Variants in ITPRID1 observed in about 807,000 individuals in gnomAD.
The protein encoded by ITPRID1 is protein ITPRID1.
ITPRID1 carries 96 observed loss-of-function variants against 95.4 expected under a neutral mutation model. The ratio of observed to expected loss-of-function variants is 1.01; its 90% CI spans 0.85 to 1.19. The LOEUF (loss-of-function observed/expected upper bound fraction) is 1.19, where lower values mean the gene tolerates loss of function less well. Ranked by LOEUF, ITPRID1 falls within the 50% of genes most tolerant of loss-of-function variation. The pLI is 0.00. For missense variants in ITPRID1, 1,339 were observed against 1,252.9 expected (o/e 1.07, Z -1.04); for synonymous variants, 510 against 453.6 (o/e 1.12, Z -1.58).
chr7:31,558,195 C>G (rs1436395639), intron 5 of ITPRID1, among the ~76,000 whole-genome samples: 1 of 152,170 alleles, frequency 6.6e-6, no homozygotes, highest in East Asian at 1.9e-4. Flanking sequence ...AAGGCCCTCA[C>G]CAGATGCAGC....
chr7:31,564,685 C>T (rs2128140977), intron 5 of ITPRID1, among the ~76,000 whole-genome samples: 1 of 152,222 alleles, frequency 6.6e-6, no homozygotes, highest in South Asian at 2.1e-4. Flanking sequence ...TGATGGCATT[C>T]CCTAGGCGTG....
At chr7:31,658,126 A>G (rs530328747), downstream of ITPRID1, 50 of 514,058 alleles carry the variant, frequency 9.7e-5, no homozygotes, top group Non-Finnish European at 1.5e-4. Context: ...CACAAAGATG[A>G]AACCTTGAGG....
At chr7:31,629,282 A>G (rs912900360) in intron 10 of ITPRID1, among the ~76,000 whole-genome samples, 14 of 19,994 alleles carry the variant, frequency 7.0e-4, no homozygotes, top group Middle Eastern at 0.023. Flanking sequence ...TTTAAACAAC[A>G]CAATCTTTAT....
intron 8 of ITPRID1, among the ~76,000 whole-genome samples, chr7:31,576,745 A>T (rs1008064996): frequency 2.0e-5 from 3 of 152,162 alleles, no homozygotes; most frequent in Non-Finnish European, 4.4e-5. Context: ...TGCTGTGATG[A>T]TGCAAACACA....
Position 31,574,540 on chromosome 7 carries a change from C to T in ITPRID1, c.396C>T (p.Ser132=), listed in dbSNP as rs554362870. 1 of 1,612,498 alleles carries T rather than the reference C, an allele frequency of 6.2e-7. No homozygotes were observed. Among genetic ancestry groups the T allele is most frequent in the Non-Finnish European group, 8.5e-7 (1 of 1,178,600 alleles). The change falls in exon 8 of 15, where the codon AGC becomes AGT. Residue 132 remains serine, a splice_region_variant and synonymous_variant. Coordinates refer to ENST00000615280, the MANE Select transcript of ITPRID1 (RefSeq NM_001257967.3). ...AAGATATTCATATTTTTTACCACAG[C>T]ATTCCTGAATGGCTGGAATTTTGGG... The part of the protein sequence containing the change: ...SCYSTASVPQ[S]IPEWLEFWEI...
At chr7:31,548,063 GA>G (rs1366223027) in intron 1 of ITPRID1, among the ~76,000 whole-genome samples, 5 of 144,980 alleles carry the variant, frequency 3.4e-5, no homozygotes, top group African/African-American at 1.2e-4. Flanking sequence ...ATCCAGTAAG[GA>G]GGACAAAAAT....
At chr7:31,566,130 T>A (rs1004399236) in intron 5 of ITPRID1, among the ~76,000 whole-genome samples, 3 of 152,166 alleles carry the variant, frequency 2.0e-5, no homozygotes, top group Non-Finnish European at 4.4e-5. Context: ...GGCACTAGAA[T>A]CCCTTCAAGA....
intron 10 of ITPRID1, among the ~76,000 whole-genome samples, chr7:31,603,096 C>A (rs970593044): frequency 1.3e-5 from 2 of 152,064 alleles, no homozygotes; most frequent in Non-Finnish European, 2.9e-5. Flanking sequence ...TGATAAAGAC[C>A]TGCTGATCCC....
chr7:31,573,426 A>G (rs761459351), intron 7 of ITPRID1, among the ~76,000 whole-genome samples: 36 of 152,242 alleles, frequency 2.4e-4, no homozygotes, highest in Admixed American at 2.0e-4. Context: ...AAGTGTGAAC[A>G]TGATGCTGGT....
Position 31,595,930 on chromosome 7 carries a change from C to T in ITPRID1, c.1228+12739C>T, listed in dbSNP as rs555857440. On this transcript the variant is annotated intron_variant, in intron 10 of 14. Coordinates refer to ENST00000615280, the MANE Select transcript of ITPRID1 (RefSeq NM_001257967.3). ...AGTCACTGATATAGAAAACAAATAACCTAATATGCAAAACCCATTTTAAAA... is the reference window on the plus strand; with the variant it reads ...AGTCACTGATATAGAAAACAAATAATCTAATATGCAAAACCCATTTTAAAA... Among the ~76,000 whole-genome samples, 3 of 151,760 alleles carry T rather than the reference C, an allele frequency of 2.0e-5. No individual in the cohort carries two copies. In the South Asian group the frequency reaches 6.3e-4, roughly 32 times the overall value.
chr7:31,648,078 A>C (rs1342436257), intron 12 of ITPRID1, among the ~76,000 whole-genome samples: 1 of 152,164 alleles, frequency 6.6e-6, no homozygotes, highest in Non-Finnish European at 1.5e-5. Flanking sequence ...CAGAAAAGAA[A>C]ATGAGATCTA....
At position 31,656,138 on chromosome 7, in the gene ITPRID1, T is replaced by A. The variant is rs771518180; in HGVS notation, c.*3309T>A. The stretch of plus-strand genomic sequence containing the variant: ...AAACTCCTATATCACTTTGCTTTTT[T>A]GTTAAAACACTGAAAACCTCCTGTC... On this transcript the variant is annotated 3_prime_UTR_variant, in exon 15 of 15. Coordinates refer to ENST00000615280, the MANE Select transcript of ITPRID1 (RefSeq NM_001257967.3). 5 of 543,532 alleles carry A rather than the reference T, an allele frequency of 9.2e-6. No individual in the cohort carries two copies. Among genetic ancestry groups the A allele is most frequent in the Non-Finnish European group, 1.2e-5 (5 of 426,444 alleles). 33.7% of individuals were successfully genotyped at this position (543,532 alleles called of 1,614,324 possible).
intron 10 of ITPRID1, among the ~76,000 whole-genome samples, chr7:31,590,674 G>A (rs778844752): frequency 2.6e-5 from 4 of 152,056 alleles, no homozygotes; most frequent in Non-Finnish European, 5.9e-5. Context: ...TCCCTGCTGG[G>A]TATCCCCATT....
At chr7:31,596,528 TAA>T (rs1193257335) in intron 10 of ITPRID1, among the ~76,000 whole-genome samples, 3 of 151,690 alleles carry the variant, frequency 2.0e-5, no homozygotes, top group African/African-American at 4.8e-5. Context: ...GCTTTTAGTA[TAA>T]GTTATCAAAA....
chr7:31,571,667 G>A (rs1784993075), intron 6 of ITPRID1, among the ~76,000 whole-genome samples: 1 of 152,200 alleles, frequency 6.6e-6, no homozygotes, highest in Admixed American at 6.5e-5. Context: ...CACTTAGAGA[G>A]TGTTAGCCAT....
At chr7:31,537,701 C>T (rs1783805203) in intron 1 of ITPRID1, among the ~76,000 whole-genome samples, 1 of 151,864 alleles carries the variant, frequency 6.6e-6, no homozygotes, top group Non-Finnish European at 1.5e-5. Context: ...TTATTTATTT[C>T]TTCATAATAA....
intron 12 of ITPRID1, among the ~76,000 whole-genome samples, chr7:31,650,609 G>A (rs972466434): frequency 1.5e-4 from 23 of 152,174 alleles, no homozygotes; most frequent in Non-Finnish European, 2.9e-4. Flanking sequence ...TTGTTAGGTG[G>A]ATGAAGCTGA....
intron 3 of ITPRID1, 57 bp downstream of exon 3, chr7:31,553,244 T>G: frequency 6.8e-7 from 1 of 1,475,614 alleles, no homozygotes; most frequent in Non-Finnish European, 9.0e-7. Flanking sequence ...GTGAGGGATG[T>G]GGGAGCTTTT....
At chr7:31,588,182 TA>T (rs1452349882) in intron 10 of ITPRID1, among the ~76,000 whole-genome samples, 1 of 152,044 alleles carries the variant, frequency 6.6e-6, no homozygotes, top group East Asian at 1.9e-4. Flanking sequence ...AACTCCTACA[TA>T]AAGGTACTGA....
Sources: gnomAD v4.1 joint callset for allele counts (sites outside exome capture counted in the v4.1 genomes callset) on GRCh38, gnomAD v4.1.1 for gene constraint, MANE v1.5 for transcripts, NCBI Gene and HGNC (gene_info 2026-07-23, HGNC 2026-07-21) for gene names.